LIN54: variants seen among roughly 807,000 people sequenced by gnomAD.
LIN54 encodes protein lin-54 homolog.
In LIN54, 9 loss-of-function variants were observed where a neutral mutation model predicts 78.7. The observed-to-expected ratio is 0.11, with a 90% confidence interval of 0.07 to 0.20. The LOEUF is 0.20. Ranked by LOEUF, LIN54 falls within the 10% of genes least tolerant of loss-of-function variation. LIN54 has a pLI of 1.00. For synonymous variants in LIN54, 269 were observed against 318.4 expected (o/e 0.84, Z 1.65); for missense variants, 573 against 889.9 (o/e 0.64, Z 4.53).
chr4:82,987,623 A>G (rs1727285186), intron 1 of LIN54, among the ~76,000 whole-genome samples: 1 of 152,102 alleles, frequency 6.6e-6, no homozygotes, highest in Non-Finnish European at 1.5e-5. Context: ...AAGTGAGAAC[A>G]TGCAGTGTTT....
intron 5 of LIN54, among the ~76,000 whole-genome samples, chr4:82,940,335 ATAC>A (rs547245810): frequency 1.5e-3 from 223 of 152,350 alleles, no homozygotes; most frequent in African/African-American, 5.1e-3. Context: ...ACAGCACTCT[ATAC>A]TACTATTTCT....
chr4:82,936,882 C>A lies in LIN54; in HGVS notation c.1604+345G>T, dbSNP rs182667954. Among the ~76,000 whole-genome samples the A allele has an allele frequency of 7.4e-4, 113 of 152,246 alleles. 1 individual carries two copies. Among genetic ancestry groups the A allele is most frequent in the African/African-American group, 2.6e-3 (110 of 41,556 alleles). On this transcript the variant is annotated intron_variant, in intron 9 of 12. Transcript: ENST00000340417. Reference sequence around the variant, plus strand: ...AATAAGCAAATTAACCATTCAGTGACTTTTAAAACTACCTAGAGTATCATC... The same window carrying A: ...AATAAGCAAATTAACCATTCAGTGAATTTTAAAACTACCTAGAGTATCATC...
At position 82,944,394 on chromosome 4, in the gene LIN54, T is replaced by C. The variant is rs915892552; in HGVS notation, c.1168+1864A>G. On this transcript the variant is annotated intron_variant, in intron 5 of 12. Transcript: ENST00000340417. ...TATCATCATCATCACACTACCTAAG[T>C]AGATTGGACTTATAGCACTTCTCTC... 2.6e-5 allele frequency among the ~76,000 whole-genome samples: 4 copies of C among 152,184 alleles called. No individual in the cohort carries two copies. In the East Asian group the frequency reaches 5.8e-4, roughly 22 times the overall value.
intron 1 of LIN54, among the ~76,000 whole-genome samples, chr4:83,001,030 C>T (rs1444527379): frequency 1.3e-5 from 2 of 151,574 alleles, no homozygotes; most frequent in Non-Finnish European, 2.9e-5. Context: ...GTTGGCCAGG[C>T]TGGTCTCAAA....
intron 1 of LIN54, among the ~76,000 whole-genome samples, chr4:82,990,510 G>T (rs1054394750): frequency 1.3e-5 from 2 of 151,648 alleles, no homozygotes; most frequent in African/African-American, 4.8e-5. Context: ...CTGAGACAGA[G>T]TCTCACTCGG....
intron 4 of LIN54, among the ~76,000 whole-genome samples, chr4:82,962,075 C>G (rs1036406960): frequency 9.9e-5 from 15 of 152,070 alleles, no homozygotes; most frequent in Non-Finnish European, 2.2e-4. Context: ...AAAGAAAGAG[C>G]TCTCTAGGAA....
chr4:83,007,067 G>A (rs1478016254), intron 1 of LIN54, among the ~76,000 whole-genome samples: 1 of 152,128 alleles, frequency 6.6e-6, no homozygotes, highest in African/African-American at 2.4e-5. Context: ...TTGAACCCGG[G>A]AGGTGGAGGC....
chr4:82,959,328 CA>C (rs1274094408), intron 4 of LIN54, among the ~76,000 whole-genome samples: 1 of 151,540 alleles, frequency 6.6e-6, no homozygotes, highest in African/African-American at 2.4e-5. Context: ...ACCGAGATTC[CA>C]AAAAAAATTT....
At chr4:82,976,581 G>A (rs1298103729) in intron 3 of LIN54, among the ~76,000 whole-genome samples, 6 of 152,098 alleles carry the variant, frequency 3.9e-5, no homozygotes, top group South Asian at 2.1e-4. Flanking sequence ...GGTGGTGGGC[G>A]CCTGTAATCC....
At chr4:82,999,801 GA>G (rs1216909830) in intron 1 of LIN54, among the ~76,000 whole-genome samples, 1 of 76,378 alleles carries the variant, frequency 1.3e-5, no homozygotes. Flanking sequence ...AAAAAGGCAA[GA>G]AAACAGGAGA....
At chr4:82,941,174 A>ATATATATC (rs1236656168) in intron 5 of LIN54, among the ~76,000 whole-genome samples, 4 of 143,116 alleles carry the variant, frequency 2.8e-5, no homozygotes, top group South Asian at 4.4e-4. Flanking sequence ...ATATATATAT[A>ATATATATC]TCGTTGGCAG....
At chr4:82,929,710 G>T (rs975122972) in intron 12 of LIN54, among the ~76,000 whole-genome samples, 6 of 151,972 alleles carry the variant, frequency 3.9e-5, no homozygotes, top group Admixed American at 3.9e-4. Context: ...GGAGGCTGAG[G>T]CAGGAGAATT....
chr4:82,958,746 G>A (rs1019608651), intron 4 of LIN54, among the ~76,000 whole-genome samples: 4 of 151,946 alleles, frequency 2.6e-5, no homozygotes, highest in East Asian at 1.9e-4. Context: ...TCCACTGCCC[G>A]TGCTGGAAGG....
intron 1 of LIN54, among the ~76,000 whole-genome samples, chr4:83,000,089 T>C (rs1467600307): frequency 6.6e-6 from 1 of 151,912 alleles, no homozygotes; most frequent in Non-Finnish European, 1.5e-5. Context: ...AGATAGGGTC[T>C]CATTACGTTG....
chr4:82,981,265 T>C (rs13127075), intron 2 of LIN54, among the ~76,000 whole-genome samples: 27,937 of 152,190 alleles, frequency 0.18, 2,736 homozygotes, highest in South Asian at 0.32. Flanking sequence ...AGACTGCTAG[T>C]TATGTACTAC....
In LIN54 at chr4:83,005,337, T is replaced by TA. The variant is rs550686172; in HGVS notation, c.-33+5146dup. Among the ~76,000 whole-genome samples, 147 of 152,000 alleles carry TA rather than the reference T, an allele frequency of 9.7e-4. 2 individuals carry two copies. In the South Asian group the frequency reaches 0.022, roughly 23 times the overall value. ...AAAGGGAACTGTAAATTGCTATTAT[T>TA]AAAAAATCAAAAAACAGGGGCCGGG... is the stretch of plus-strand genomic sequence containing the variant. On this transcript the variant is annotated intron_variant, in intron 1 of 12. Transcript: ENST00000340417.
In LIN54 at chr4:82,931,051, G is replaced by A. The variant is rs764773839; in HGVS notation, c.1940C>T (p.Ala647Val). The A allele has an allele frequency of 6.2e-7, 1 of 1,614,098 alleles. No individual in the cohort carries two copies. The highest frequency in any genetic ancestry group is 2.2e-5 in the East Asian group (1 of 44,882). The stretch of plus-strand genomic sequence containing the variant: ...TTGTTGCTGTACCCTTACTTCAGCT[G>A]CATCTGCCAAATGCATCAATGTCTT... ...ERKTLMHLAD[A>V]AEVRVQQQTA... Residue 647 changes from alanine (A) to valine (V), a missense_variant, in exon 12 of 13, where the codon GCA (alanine) becomes GTA (valine). Coordinates refer to ENST00000340417, the MANE Select transcript of LIN54 (RefSeq NM_194282.4).
upstream of LIN54, chr4:83,012,857 G>A (rs1247093732): frequency 6.6e-6 from 1 of 151,928 alleles, no homozygotes; most frequent in African/African-American, 2.4e-5. Flanking sequence ...AGCAGCGGCG[G>A]CGGCGGCGCC....
chr4:82,937,410 A>T, intron 8 of LIN54, 112 bp from the exon 9 acceptor site: 1 of 610,406 alleles, frequency 1.6e-6, no homozygotes, highest in South Asian at 2.5e-5. Context: ...ACTAATTTAA[A>T]ATTAGAGAAG....
Sources: allele counts gnomAD v4.1 joint callset (sites outside exome capture counted in the v4.1 genomes callset), GRCh38; gene constraint gnomAD v4.1.1; transcripts MANE v1.5; gene names NCBI Gene and HGNC (gene_info 2026-07-23, HGNC 2026-07-21).